Variants in C10orf71 observed in about 807,000 individuals in gnomAD.
The protein encoded by C10orf71 is chromosome 10 open reading frame 71, also known as cardiac-enriched FHL2-interacting protein.
For missense variants in C10orf71, 1,869 were observed against 1,804.5 expected (o/e 1.04, Z -0.65); for synonymous variants, 758 against 726.3 (o/e 1.04, Z -0.70).
chr10:49,305,953 G>A (rs1352297039), intron 1 of C10orf71, among the ~76,000 whole-genome samples: 1 of 152,208 alleles, frequency 6.6e-6, no homozygotes, highest in Non-Finnish European at 1.5e-5. Context: ...TATAAGAAGG[G>A]TAAGCTTTGC....
intron 1 of C10orf71, among the ~76,000 whole-genome samples, chr10:49,302,573 G>A (rs376709354): frequency 3.3e-5 from 5 of 152,332 alleles, no homozygotes; most frequent in Admixed American, 6.5e-5. Flanking sequence ...GGCAGGCGCC[G>A]AGGCTTGAAG....
chr10:49,312,386 G>GCAAT (rs1848930170), intron 1 of C10orf71, among the ~76,000 whole-genome samples: 2 of 152,230 alleles, frequency 1.3e-5, no homozygotes, highest in African/African-American at 4.8e-5. Context: ...AGTGCTGGAG[G>GCAAT]TCTGCAGAAC....
intron 1 of C10orf71, among the ~76,000 whole-genome samples, chr10:49,300,461 C>CAAA (rs60669434): frequency 0.072 from 7,779 of 108,330 alleles, 396 homozygotes; most frequent in East Asian, 0.19. Context: ...CAATTTAATA[C>CAAA]AAAAAAAAAA....
chr10:49,324,038 G>A lies in C10orf71; in HGVS notation c.1493G>A (p.Ser498Asn). 6.2e-7 allele frequency: 1 copy of A among 1,613,726 alleles called. No individual in the cohort carries two copies. The highest frequency in any genetic ancestry group is 8.5e-7 in the Non-Finnish European group (1 of 1,179,784). Residue 498 changes from serine (S) to asparagine (N), a missense_variant, in exon 3 of 3, where the codon AGC becomes AAC. By Grantham distance (46) the Ser-to-Asn change is conservative. Coordinates refer to ENST00000374144, the MANE Select transcript of C10orf71 (RefSeq NM_001135196.2). Reference sequence around the variant, plus strand: ...GACAGCTACAAGTCCAAAGCCCCTAGCCTGCTGTTCAACCTCAAGGACGTG... The same window carrying A: ...GACAGCTACAAGTCCAAAGCCCCTAACCTGCTGTTCAACCTCAAGGACGTG... ...SRDSYKSKAPSLLFNLKDVRK... is the reference protein window; with the variant it reads ...SRDSYKSKAPNLLFNLKDVRK...
chr10:49,311,166 C>T (rs1407519281), intron 1 of C10orf71, among the ~76,000 whole-genome samples: 1 of 152,070 alleles, frequency 6.6e-6, no homozygotes, highest in Non-Finnish European at 1.5e-5. Flanking sequence ...TGATTGTGGT[C>T]CCTGAGTTGG....
chr10:49,310,815 T>TGAAGAAGAA (rs1369012861), intron 1 of C10orf71, among the ~76,000 whole-genome samples: 11 of 151,208 alleles, frequency 7.3e-5, no homozygotes, highest in African/African-American at 2.7e-4. Flanking sequence ...ATGATGATGA[T>TGAAGAAGAA]GATGAAGAAG....
At position 49,324,716 on chromosome 10, in the gene C10orf71, G is replaced by T. The variant is rs1305084883; in HGVS notation, c.2171G>T (p.Gly724Val). The stretch of plus-strand genomic sequence containing the variant: ...TCCGATTTTATGCCAAGCCTCAAAG[G>T]TAAGGCCAAATTCAGCACCAGCTCT... ...SQSDFMPSLK[G>V]KAKFSTSSSD... The change falls in exon 3 of 3, where the codon GGT (glycine) becomes GTT (valine). Residue 724 changes from glycine (G) to valine (V), a missense_variant. Gly to Val is a moderately radical substitution (Grantham distance 109, BLOSUM62 -3). Coordinates refer to ENST00000374144, the MANE Select transcript of C10orf71 (RefSeq NM_001135196.2). 4 of 1,592,892 alleles carry T rather than the reference G, an allele frequency of 2.5e-6. No individual in the cohort carries two copies. In the South Asian group the frequency reaches 3.4e-5, roughly 14 times the overall value.
intron 1 of C10orf71, among the ~76,000 whole-genome samples, chr10:49,301,459 G>A (rs559844876): frequency 1.1e-3 from 161 of 152,276 alleles, no homozygotes; most frequent in Non-Finnish European, 1.7e-3. Context: ...GGGACAGAGC[G>A]GGAAGGACAA....
chr10:49,315,029 G>A (rs534778711), intron 1 of C10orf71, among the ~76,000 whole-genome samples: 2 of 152,282 alleles, frequency 1.3e-5, no homozygotes, highest in Admixed American at 1.3e-4. Flanking sequence ...GGGTCACGAT[G>A]TATGAAGTGA....
intron 1 of C10orf71, among the ~76,000 whole-genome samples, chr10:49,301,077 C>T (rs1304317684): frequency 2.0e-5 from 3 of 152,148 alleles, no homozygotes; most frequent in African/African-American, 4.8e-5. Flanking sequence ...TTGAAATAGC[C>T]CTATTCCTCC....
chr10:49,325,437 G>A lies in C10orf71; in HGVS notation c.2892G>A (p.Val964=), dbSNP rs1259803284. The A allele has an allele frequency of 1.9e-6, 3 of 1,550,122 alleles. No individual in the cohort carries two copies. Among genetic ancestry groups the A allele is most frequent in the Non-Finnish European group, 2.6e-6 (3 of 1,145,764 alleles). Residue 964 remains valine (V), a synonymous_variant, in exon 3 of 3, where the codon GTG becomes GTA. Transcript: ENST00000374144. ...PKGNFPSMPL[V]GEGDRVKAPP... ...GGAATTTCCCATCTATGCCTCTGGT[G>A]GGAGAGGGGGACCGGGTGAAGGCAC... is the stretch of plus-strand genomic sequence containing the variant.
chr10:49,308,472 T>C (rs1848855192), intron 1 of C10orf71, among the ~76,000 whole-genome samples: 1 of 152,172 alleles, frequency 6.6e-6, no homozygotes, highest in African/African-American at 2.4e-5. Context: ...GACACCCCTC[T>C]CCCATGTGCC....
chr10:49,327,098 C>G lies in C10orf71; in HGVS notation c.*245C>G, dbSNP rs189513968. The G allele has an allele frequency of 4.3e-6, 6 of 1,384,656 alleles. No individual in the cohort carries two copies. The highest frequency in any genetic ancestry group is 3.1e-5 in the East Asian group (1 of 31,904). The allele number at this position is 1,384,656 out of a possible 1,614,324, so 85.8% of individuals were successfully genotyped here. A position where few individuals can be genotyped will look rare whatever the true frequency, so the allele number is the denominator to read the frequency against. On this transcript the variant is annotated 3_prime_UTR_variant, in exon 3 of 3. Transcript: ENST00000374144. The stretch of plus-strand genomic sequence containing the variant: ...ACTGCTTGCTTGGCCCGGTCCCCTC[C>G]GTGCCAGTTCCCAGGCGCACTCTAC...
At chr10:49,320,405 C>T (rs941838880) in intron 2 of C10orf71, among the ~76,000 whole-genome samples, 3 of 152,174 alleles carry the variant, frequency 2.0e-5, no homozygotes, top group Non-Finnish European at 2.9e-5. Flanking sequence ...GTAAGGGGCC[C>T]AGGTGATGCA....
At chr10:49,307,497 C>T (rs1007104066) in intron 1 of C10orf71, among the ~76,000 whole-genome samples, 4 of 152,240 alleles carry the variant, frequency 2.6e-5, no homozygotes, top group African/African-American at 4.8e-5. Flanking sequence ...TCAGAAACTG[C>T]GCAAAGAGGT....
At chr10:49,315,139 C>T (rs538658917) in intron 1 of C10orf71, among the ~76,000 whole-genome samples, 1 of 152,202 alleles carries the variant, frequency 6.6e-6, no homozygotes. Context: ...GGGGCCTCGC[C>T]GTATGGTGGT....
rs45554335 is a variant in C10orf71, at chr10:49,323,927, A to C, written c.1382A>C (p.Asp461Ala). The C allele has an allele frequency of 0.17, 277,378 of 1,613,480 alleles. 25,847 individuals are homozygous for C. Among genetic ancestry groups the C allele is most frequent in the East Asian group, 0.34 (15,442 of 44,804 alleles). Reference protein sequence around the residue: ...IPSKHALDSADSQPAERTPSP... With the variant: ...IPSKHALDSAASQPAERTPSP... ...AGCAAGCACGCCCTGGATTCAGCAG[A>C]CAGCCAGCCAGCAGAGCGAACCCCA... Residue 461 changes from aspartate (D) to alanine (A), a missense_variant, in exon 3 of 3, where the codon GAC becomes GCC. Transcript: ENST00000374144.
intron 1 of C10orf71, among the ~76,000 whole-genome samples, chr10:49,300,275 A>ATG: frequency 6.6e-6 from 1 of 152,052 alleles, no homozygotes; most frequent in African/African-American, 2.4e-5. Context: ...TGGTTTTGTA[A>ATG]ATAAAGTTGT....
rs1329888042 is a variant in C10orf71, at chr10:49,326,298, G to C, written c.3753G>C (p.Ser1251=). ...PVHRHSVSGF[S]EPVGRRPGGP... ...ACCGCCACTCCGTGTCCGGCTTCTC[G>C]GAGCCTGTCGGGAGGCGGCCCGGGG... Residue 1251 remains serine (S), a synonymous_variant, in exon 3 of 3, where the codon TCG becomes TCC. Transcript: ENST00000374144. 5.8e-6 allele frequency: 9 copies of C among 1,549,776 alleles called. No homozygotes were observed. The highest frequency in any genetic ancestry group is 2.0e-5 in the Admixed American group (1 of 50,936).
Sources: allele counts gnomAD v4.1 joint callset (sites outside exome capture counted in the v4.1 genomes callset), GRCh38; gene constraint gnomAD v4.1.1; transcripts MANE v1.5; gene names NCBI Gene and HGNC (gene_info 2026-07-23, HGNC 2026-07-21).